Variants in UPF2 observed in about 807,000 individuals in gnomAD.
UPF2 encodes the protein UPF2 regulator of nonsense mediated mRNA decay, also known as regulator of nonsense transcripts 2.
A neutral mutation model predicts 141.4 loss-of-function variants in UPF2; 17 were observed. The observed-to-expected ratio is 0.12, with a 90% CI of 0.08 to 0.18. The LOEUF (loss-of-function observed/expected upper bound fraction) is 0.18, where lower values mean the gene tolerates loss of function less well. UPF2 is among the 10% of genes least tolerant of loss of function. The pLI, the probability that UPF2 is intolerant of heterozygous loss-of-function variation, is 1.00. For synonymous variants in UPF2, 540 were observed against 498.0 expected, an observed-to-expected ratio of 1.08 and a Z score of -1.12; for missense variants, 1,152 against 1,515.9, an observed-to-expected ratio of 0.76 and a Z score of 3.99.
chr10:11,978,967 G>A (rs1833550766), intron 9 of UPF2, 90 bp downstream of exon 9: 3 of 1,093,230 alleles, frequency 2.7e-6, no homozygotes, highest in Admixed American at 2.1e-5. Flanking sequence ...CAAATTTCAA[G>A]AATATGCTTA....
chr10:11,946,772 G>T (rs1272304067), intron 16 of UPF2, among the ~76,000 whole-genome samples: 3 of 151,942 alleles, frequency 2.0e-5, no homozygotes, highest in South Asian at 4.2e-4. Flanking sequence ...AAGAAACAGG[G>T]TCTCACTATG....
At chr10:11,974,638 T>G (rs1209555470) in intron 9 of UPF2, among the ~76,000 whole-genome samples, 2 of 152,210 alleles carry the variant, frequency 1.3e-5, no homozygotes, top group African/African-American at 4.8e-5. Context: ...GAGATAAGCG[T>G]GTGGTTTTTG....
At chr10:12,034,435 A>G (rs1337730790) in intron 2 of UPF2, among the ~76,000 whole-genome samples, 1 of 151,806 alleles carries the variant, frequency 6.6e-6, no homozygotes, top group Non-Finnish European at 1.5e-5. Context: ...CGATTCTCCT[A>G]CTTCAGCCTC....
chr10:11,968,978 A>T (rs1266454701), intron 9 of UPF2, among the ~76,000 whole-genome samples: 1 of 152,002 alleles, frequency 6.6e-6, no homozygotes, highest in Non-Finnish European at 1.5e-5. Flanking sequence ...TTTGTGCCTC[A>T]GCCTCCCGAG....
chr10:11,996,384 G>A (rs772965901), intron 8 of UPF2, among the ~76,000 whole-genome samples: 1 of 147,452 alleles, frequency 6.8e-6, no homozygotes, highest in Non-Finnish European at 1.5e-5. Context: ...ATCTCGCTCT[G>A]TTGCCCAGGC....
chr10:11,941,621 C>CTCT (rs1793135988), intron 18 of UPF2, among the ~76,000 whole-genome samples: 1 of 152,104 alleles, frequency 6.6e-6, no homozygotes, highest in African/African-American at 2.4e-5. Context: ...CTCCCCGTTT[C>CTCT]TCTTCCCTTT....
In UPF2 at chr10:11,935,739, G is replaced by A. The variant is rs955477946; in HGVS notation, c.3546+806C>T. Among the ~76,000 whole-genome samples, 1 of 152,190 alleles carries A rather than the reference G, an allele frequency of 6.6e-6. No individual in the cohort carries two copies. The highest frequency in any genetic ancestry group is 2.4e-5 in the African/African-American group (1 of 41,452). On this transcript the variant is annotated intron_variant, in intron 19 of 21. Coordinates refer to ENST00000357604, the MANE Select transcript of UPF2 (RefSeq NM_015542.4). This position sits in a 1 kb window ranked among gnomAD's most constrained non-coding sequence, Gnocchi z 4.9. ...TCCACAAGGGCAGGAACATTGTTCT[G>A]TTTATCACTGTAGCCTCAGGACCTG...
At position 12,019,192 on chromosome 10, in the gene UPF2, C is replaced by T. The variant is rs1834274848; in HGVS notation, c.1146-5008G>A. On this transcript the variant is annotated intron_variant, in intron 3 of 21. Coordinates refer to ENST00000357604, the MANE Select transcript of UPF2 (RefSeq NM_015542.4). The surrounding 1 kb of genome is among the most constrained non-coding windows in gnomAD (Gnocchi z 4.5). ...TTTTTCTGTAAAGGGCCATACAATA[C>T]ATATTTCAGTCTCTGCAGACCATTT... is the stretch of plus-strand genomic sequence containing the variant. Among the ~76,000 whole-genome samples, 1 of 152,184 alleles carries T rather than the reference C, an allele frequency of 6.6e-6. No individual in the cohort carries two copies. The highest frequency in any genetic ancestry group is 1.5e-5 in the Non-Finnish European group (1 of 68,022).
At chr10:11,989,799 C>T (rs1427991323) in intron 8 of UPF2, among the ~76,000 whole-genome samples, 1 of 152,154 alleles carries the variant, frequency 6.6e-6, no homozygotes, top group Non-Finnish European at 1.5e-5. Flanking sequence ...GTCTCCCATG[C>T]CACGGCCACC....
intron 5 of UPF2, among the ~76,000 whole-genome samples, chr10:12,002,127 T>C (rs973974693): frequency 2.6e-5 from 4 of 151,966 alleles, no homozygotes; most frequent in South Asian, 4.1e-4. Flanking sequence ...AAAAATTAAC[T>C]GGGCATGGTG....
At chr10:11,938,853 G>GTTTTTTTGTTTTTTTTTTTT (rs1832890068) in intron 18 of UPF2, among the ~76,000 whole-genome samples, 7 of 79,828 alleles carry the variant, frequency 8.8e-5, no homozygotes, top group African/African-American at 3.5e-4. Flanking sequence ...TTTTTTTTTT[G>GTTTTTTTGTTTTTTTTTTTT]TTTTTTTTTT....
At chr10:12,038,266 C>T (rs1834668392) in intron 1 of UPF2, among the ~76,000 whole-genome samples, 2 of 151,624 alleles carry the variant, frequency 1.3e-5, no homozygotes, top group Admixed American at 6.6e-5. Flanking sequence ...GCCTGTAATC[C>T]CAGCTACTGG....
At chr10:12,025,057 AG>A (rs1432658774) in intron 3 of UPF2, among the ~76,000 whole-genome samples, 1 of 152,018 alleles carries the variant, frequency 6.6e-6, no homozygotes, top group Non-Finnish European at 1.5e-5. Context: ...TTAGGCCAAT[AG>A]GGATTGTGCA....
chr10:11,948,464 C>T lies in UPF2; in HGVS notation c.3079G>A (p.Glu1027Lys). 1 of 1,613,274 alleles carries T rather than the reference C, an allele frequency of 6.2e-7. No homozygotes were observed. Among genetic ancestry groups the T allele is most frequent in the Non-Finnish European group, 8.5e-7 (1 of 1,179,940 alleles). The stretch of plus-strand genomic sequence containing the variant: ...TCTTCTTCATCCTCTTCAAGATTTT[C>T]TCCTTCTGTCATAGAATCTTTTGAG... ...KDSKDSMTEGENLEEDEEEEE... is the reference protein window; with the variant it reads ...KDSKDSMTEGKNLEEDEEEEE... The change falls in exon 16 of 22, where the codon GAA becomes AAA. Residue 1027 changes from glutamate to lysine, a missense_variant. Glu to Lys is a moderately conservative substitution (Grantham distance 56). This residue lies in a region of UPF2 where 202 missense variants were observed against 223.6 expected (regional missense o/e 0.90). Coordinates refer to ENST00000357604, the MANE Select transcript of UPF2 (RefSeq NM_015542.4).
chr10:11,929,062 C>T (rs1832750004), intron 21 of UPF2, among the ~76,000 whole-genome samples: 1 of 151,738 alleles, frequency 6.6e-6, no homozygotes, highest in Non-Finnish European at 1.5e-5. Context: ...GCTGGAGAAT[C>T]GCTTGAACCA....
At chr10:11,976,338 T>C (rs1833506521) in intron 9 of UPF2, among the ~76,000 whole-genome samples, 1 of 152,156 alleles carries the variant, frequency 6.6e-6, no homozygotes, top group Admixed American at 6.5e-5. Context: ...TGAAAGACAG[T>C]GGCAGGAGGT....
rs148652242 is a variant in UPF2, at chr10:11,931,756, G to A, written c.3573C>T (p.Ser1191=). Residue 1191 remains serine, a synonymous_variant, in exon 20 of 22, where the codon TCC becomes TCT. Transcript: ENST00000357604. This position sits in a 1 kb window ranked among gnomAD's most constrained non-coding sequence, Gnocchi z 5.9. ...QQFKILNVPM[S]SQLAANHWNQ... ...TCCAGTGATTTGCAGCAAGTTGAGAGGACATGGGTACATTAAGGATCTTAA... is the reference window on the plus strand; with the variant it reads ...TCCAGTGATTTGCAGCAAGTTGAGAAGACATGGGTACATTAAGGATCTTAA... The A allele has an allele frequency of 2.5e-5, 40 of 1,611,710 alleles. No individual in the cohort carries two copies. The highest frequency in any genetic ancestry group is 3.2e-5 in the Non-Finnish European group (38 of 1,179,628).
chr10:11,996,298 C>T (rs1417521183), intron 8 of UPF2, among the ~76,000 whole-genome samples: 2 of 151,768 alleles, frequency 1.3e-5, no homozygotes, highest in Admixed American at 1.3e-4. Context: ...TCTCATGGCT[C>T]TAGAATACTT....
At chr10:11,926,303 C>T (rs749245943) in intron 21 of UPF2, among the ~76,000 whole-genome samples, 2 of 152,148 alleles carry the variant, frequency 1.3e-5, no homozygotes, top group African/African-American at 2.4e-5. Flanking sequence ...GGCAGGGGCA[C>T]GAGTCTTCCA....
Sources: gnomAD v4.1 joint callset for allele counts (sites outside exome capture counted in the v4.1 genomes callset) on GRCh38, gnomAD v4.1.1 for gene constraint, gnomAD v4.1.1 regional missense constraint, Gnocchi (gnomAD v3.1) non-coding constraint, MANE v1.5 for transcripts, NCBI Gene and HGNC (gene_info 2026-07-23, HGNC 2026-07-21) for gene names.